DOK5: variants seen among roughly 807,000 people sequenced by gnomAD.
DOK5 encodes the protein downstream of tyrosine kinase 5.
DOK5 carries 27 observed loss-of-function variants against 43.3 expected under a neutral mutation model. The observed-to-expected ratio is 0.62, with a 90% CI of 0.46 to 0.86. The LOEUF (loss-of-function observed/expected upper bound fraction) is 0.86. DOK5 is among the 40% of genes least tolerant of loss of function. DOK5 has a pLI of 0.00. For missense variants in DOK5, 373 were observed against 392.9 expected (o/e 0.95, Z 0.43); for synonymous variants, 146 against 140.1 (o/e 1.04, Z -0.30).
intron 1 of DOK5, among the ~76,000 whole-genome samples, chr20:54,507,109 T>C (rs1298639381): frequency 6.6e-6 from 1 of 152,202 alleles, no homozygotes; most frequent in African/African-American, 2.4e-5. Context: ...CACAAATATT[T>C]TTTGAGTACT....
chr20:54,528,120 A>C lies in DOK5; in HGVS notation c.67-26813A>C, dbSNP rs535169810. Among the ~76,000 whole-genome samples, 6 of 152,258 alleles carry C rather than the reference A, an allele frequency of 3.9e-5. No homozygotes were observed. In the South Asian group the frequency reaches 1.0e-3, roughly 26 times the overall value. On this transcript the variant is annotated intron_variant, in intron 1 of 7. Transcript: ENST00000262593. ...CTACTCAGGAGGCTGAGGCAGGAGA[A>C]TCACTTGAACCTGTGGGGCGAGGTT...
At chr20:54,513,132 G>A (rs541950458) in intron 1 of DOK5, among the ~76,000 whole-genome samples, 1 of 152,218 alleles carries the variant, frequency 6.6e-6, no homozygotes, top group South Asian at 2.1e-4. Context: ...GAATATGTTG[G>A]CAACTTGTCT....
At chr20:54,567,629 T>A (rs1985141449) in intron 2 of DOK5, among the ~76,000 whole-genome samples, 1 of 152,198 alleles carries the variant, frequency 6.6e-6, no homozygotes, top group Non-Finnish European at 1.5e-5. Context: ...TTCATTTCAC[T>A]TTATTCTCTT....
At chr20:54,554,641 G>C (rs537177074) in intron 1 of DOK5, among the ~76,000 whole-genome samples, 181 of 152,108 alleles carry the variant, frequency 1.2e-3, no homozygotes, top group African/African-American at 4.2e-3. Flanking sequence ...TGTACATTTG[G>C]GATTTTTATC....
chr20:54,513,316 G>C (rs535508613), intron 1 of DOK5, among the ~76,000 whole-genome samples: 9 of 152,104 alleles, frequency 5.9e-5, no homozygotes, highest in African/African-American at 2.2e-4. Context: ...TGAGAATTAA[G>C]CAGTCACTTT....
At chr20:54,585,567 A>G (rs1408076033) in intron 2 of DOK5, among the ~76,000 whole-genome samples, 2 of 152,188 alleles carry the variant, frequency 1.3e-5, no homozygotes, top group African/African-American at 4.8e-5. Flanking sequence ...ATTTTTAACC[A>G]TGTTGAAAAG....
chr20:54,609,663 G>A (rs990081608), intron 5 of DOK5, among the ~76,000 whole-genome samples: 1 of 152,036 alleles, frequency 6.6e-6, no homozygotes, highest in African/African-American at 2.4e-5. Context: ...CTAATTGTGT[G>A]TACCAGTCTT....
chr20:54,565,451 T>G (rs1475566447), intron 2 of DOK5, among the ~76,000 whole-genome samples: 1 of 152,196 alleles, frequency 6.6e-6, no homozygotes, highest in East Asian at 1.9e-4. Context: ...ATATATTAAG[T>G]AGATAGCCTT....
chr20:54,578,393 G>C (rs1985524493), intron 2 of DOK5, among the ~76,000 whole-genome samples: 1 of 152,058 alleles, frequency 6.6e-6, no homozygotes, highest in African/African-American at 2.4e-5. Context: ...TCAAGAGAAA[G>C]AACTCTGGAA....
intron 1 of DOK5, among the ~76,000 whole-genome samples, chr20:54,510,650 C>G (rs371899981): frequency 8.8e-4 from 134 of 152,254 alleles, no homozygotes; most frequent in African/African-American, 3.2e-3. Flanking sequence ...CTCTCCTTCC[C>G]GCTCTACTGG....
At chr20:54,569,691 C>T (rs111589009) in intron 2 of DOK5, among the ~76,000 whole-genome samples, 6 of 152,200 alleles carry the variant, frequency 3.9e-5, no homozygotes, top group Admixed American at 2.0e-4. Context: ...ATTCCATTCT[C>T]TCTGTAAATT....
chr20:54,602,068 C>T (rs1159704599), intron 5 of DOK5, among the ~76,000 whole-genome samples: 1 of 152,188 alleles, frequency 6.6e-6, no homozygotes, highest in Non-Finnish European at 1.5e-5. Flanking sequence ...GCCCGCATTT[C>T]CTTCAAGGCA....
chr20:54,619,631 A>G (rs968138968), intron 6 of DOK5, among the ~76,000 whole-genome samples: 1 of 152,178 alleles, frequency 6.6e-6, no homozygotes, highest in Non-Finnish European at 1.5e-5. Flanking sequence ...TCCTGATTAC[A>G]CACAGGCTTG....
chr20:54,521,894 C>G (rs1983410493), intron 1 of DOK5, among the ~76,000 whole-genome samples: 1 of 152,152 alleles, frequency 6.6e-6, no homozygotes, highest in South Asian at 2.1e-4. Flanking sequence ...ACTTTTGTCA[C>G]TCAGGACATT....
At chr20:54,627,960 A>G (rs577458872) in intron 6 of DOK5, among the ~76,000 whole-genome samples, 1 of 152,312 alleles carries the variant, frequency 6.6e-6, no homozygotes, top group South Asian at 2.1e-4. Flanking sequence ...AGCTACAGAA[A>G]TCATAGCATG....
chr20:54,503,525 G>GTGTGAATAGTTTTCACACATCC (rs1211514292), intron 1 of DOK5, among the ~76,000 whole-genome samples: 1 of 152,076 alleles, frequency 6.6e-6, no homozygotes, highest in Non-Finnish European at 1.5e-5. Context: ...CCTCTTCACA[G>GTGTGAATAGTTTTCACACATCC]TCTTTGTCAT....
intron 1 of DOK5, among the ~76,000 whole-genome samples, chr20:54,508,954 G>A (rs1352252580): frequency 1.3e-5 from 2 of 151,526 alleles, no homozygotes; most frequent in African/African-American, 2.4e-5. Context: ...TCGGCTCACT[G>A]CAACCTCCGT....
At chr20:54,571,912 T>C (rs1985294425) in intron 2 of DOK5, among the ~76,000 whole-genome samples, 2 of 152,220 alleles carry the variant, frequency 1.3e-5, no homozygotes, top group East Asian at 3.8e-4. Flanking sequence ...TGTTGTCTTA[T>C]GATTGCACAC....
intron 1 of DOK5, among the ~76,000 whole-genome samples, chr20:54,526,298 TGTGCATTGTGAAGG>T (rs1193190443): frequency 1.4e-4 from 21 of 152,272 alleles, no homozygotes; most frequent in Non-Finnish European, 2.4e-4. Flanking sequence ...GTGTCTTTTC[TGTGCATTGTGAAGG>T]GTGAGGCCCC....
Sources: gnomAD v4.1 joint callset for allele counts (sites outside exome capture counted in the v4.1 genomes callset) on GRCh38, gnomAD v4.1.1 for gene constraint, MANE v1.5 for transcripts, NCBI Gene and HGNC (gene_info 2026-07-23, HGNC 2026-07-21) for gene names.